SHISA6: variants seen among roughly 807,000 people sequenced by gnomAD.
The protein encoded by SHISA6 is shisa family member 6, also known as protein shisa-6.
In SHISA6, 22 loss-of-function variants were observed where a neutral mutation model predicts 47.9. That is an observed-to-expected ratio of 0.46 (90% confidence interval 0.33 to 0.66). SHISA6 has a LOEUF of 0.66. Ranked by LOEUF, SHISA6 falls within the 30% of genes least tolerant of loss-of-function variation. The pLI is 0.02. For missense variants in SHISA6, 680 were observed against 764.6 expected (o/e 0.89, Z 1.30); for synonymous variants, 388 against 337.8 (o/e 1.15, Z -1.63).
intron 1 of SHISA6, among the ~76,000 whole-genome samples, chr17:11,259,079 A>G (rs898240783): frequency 4.6e-5 from 7 of 151,586 alleles, no homozygotes; most frequent in Non-Finnish European, 5.9e-5. Context: ...TGAGGGGATG[A>G]ATTGGGGGAG....
At chr17:11,445,094 T>C (rs1915194353) in intron 3 of SHISA6, among the ~76,000 whole-genome samples, 1 of 152,124 alleles carries the variant, frequency 6.6e-6, no homozygotes, top group African/African-American at 2.4e-5. Flanking sequence ...AAGCAAAATT[T>C]AGTGTAAATG....
chr17:11,445,867 G>A (rs533841911), intron 3 of SHISA6, among the ~76,000 whole-genome samples: 17 of 152,190 alleles, frequency 1.1e-4, no homozygotes, highest in East Asian at 5.8e-4. Context: ...TCCTTCTGTC[G>A]CCCAGGCTGG....
At chr17:11,393,020 A>G (rs1913440220) in intron 3 of SHISA6, among the ~76,000 whole-genome samples, 1 of 152,186 alleles carries the variant, frequency 6.6e-6, no homozygotes, top group Non-Finnish European at 1.5e-5. Context: ...CTCGCTCTTG[A>G]GCATTTGCCC....
chr17:11,542,846 G>A (rs2071845408), intron 3 of SHISA6, among the ~76,000 whole-genome samples: 1 of 152,082 alleles, frequency 6.6e-6, no homozygotes, highest in African/African-American at 2.4e-5. Context: ...GGTGCTTCTA[G>A]GACAGCATTT....
chr17:11,350,709 G>A (rs1159579808), intron 2 of SHISA6, among the ~76,000 whole-genome samples: 4 of 152,012 alleles, frequency 2.6e-5, no homozygotes, highest in Non-Finnish European at 4.4e-5. Flanking sequence ...AGTGATCAGA[G>A]CATTTTTTCT....
intron 3 of SHISA6, among the ~76,000 whole-genome samples, chr17:11,449,919 C>T (rs1915338555): frequency 6.6e-6 from 1 of 152,244 alleles, no homozygotes; most frequent in South Asian, 2.1e-4. Flanking sequence ...GAGTCTCGCT[C>T]TGTCGCCCAG....
At chr17:11,471,258 C>T (rs1390785248) in intron 3 of SHISA6, among the ~76,000 whole-genome samples, 1 of 151,346 alleles carries the variant, frequency 6.6e-6, no homozygotes, top group Admixed American at 6.6e-5. Context: ...GCTAGAACCC[C>T]AGAGAAGGCA....
intron 3 of SHISA6, among the ~76,000 whole-genome samples, chr17:11,531,778 G>A (rs2071735426): frequency 6.6e-6 from 1 of 152,268 alleles, no homozygotes; most frequent in Admixed American, 6.5e-5. Context: ...GCACAGAATC[G>A]TGACTATAAT....
At chr17:11,326,219 C>G (rs989531869) in intron 2 of SHISA6, among the ~76,000 whole-genome samples, 2 of 150,030 alleles carry the variant, frequency 1.3e-5, no homozygotes, top group Non-Finnish European at 3.0e-5. Context: ...TGCAGTGAGC[C>G]GAGATCGTAC....
At chr17:11,297,969 C>T (rs556473338) in intron 2 of SHISA6, among the ~76,000 whole-genome samples, 9 of 152,244 alleles carry the variant, frequency 5.9e-5, no homozygotes, top group African/African-American at 2.2e-4. Context: ...CTGAATGATA[C>T]TTGAGGTGAG....
chr17:11,258,283 T>C (rs1908092515), intron 1 of SHISA6, among the ~76,000 whole-genome samples: 1 of 152,218 alleles, frequency 6.6e-6, no homozygotes, highest in Non-Finnish European at 1.5e-5. Context: ...GAGCTTGTTT[T>C]CTCCTTTCCA....
intron 2 of SHISA6, among the ~76,000 whole-genome samples, chr17:11,317,262 G>A (rs1037936552): frequency 3.3e-5 from 5 of 151,512 alleles, no homozygotes; most frequent in Admixed American, 6.6e-5. Context: ...TGCTTTAAAT[G>A]TTTCTCTATT....
intron 3 of SHISA6, among the ~76,000 whole-genome samples, chr17:11,381,475 C>G (rs1913005445): frequency 6.6e-6 from 1 of 152,186 alleles, no homozygotes; most frequent in South Asian, 2.1e-4. Flanking sequence ...AAGCAGGCAG[C>G]AGGGAGTGCA....
At chr17:11,364,452 G>A (rs949266382) in intron 2 of SHISA6, among the ~76,000 whole-genome samples, 10 of 152,126 alleles carry the variant, frequency 6.6e-5, no homozygotes, top group East Asian at 1.9e-4. Context: ...TTCACTTAAC[G>A]TTATATTAGT....
intron 3 of SHISA6, among the ~76,000 whole-genome samples, chr17:11,512,729 CCAAA>C (rs1204368437): frequency 2.0e-5 from 3 of 152,004 alleles, no homozygotes; most frequent in African/African-American, 7.2e-5. Flanking sequence ...TTATGTACAT[CCAAA>C]CAATTAATAT....
intron 3 of SHISA6, among the ~76,000 whole-genome samples, chr17:11,392,746 G>A (rs1409537792): frequency 2.0e-5 from 3 of 152,242 alleles, no homozygotes; most frequent in South Asian, 2.1e-4. Flanking sequence ...AGATTGGGGT[G>A]TAGCAGATTA....
At chr17:11,372,510 A>G (rs1486995417) in intron 2 of SHISA6, among the ~76,000 whole-genome samples, 1 of 152,112 alleles carries the variant, frequency 6.6e-6, no homozygotes, top group Non-Finnish European at 1.5e-5. Context: ...AATATCCATT[A>G]GCCTTTTAAA....
intron 2 of SHISA6, among the ~76,000 whole-genome samples, chr17:11,264,310 C>T (rs1908347757): frequency 1.3e-5 from 2 of 152,274 alleles, no homozygotes; most frequent in South Asian, 4.1e-4. Flanking sequence ...CTTAGAAGTA[C>T]TTATATTATC....
At chr17:11,265,041 C>CCTTAAACAAGCTTAAAACAAG (rs759428147) in intron 2 of SHISA6, among the ~76,000 whole-genome samples, 4 of 152,146 alleles carry the variant, frequency 2.6e-5, no homozygotes, top group Non-Finnish European at 5.9e-5. Context: ...TACCATAGGT[C>CCTTAAACAAGCTTAAAACAAG]CTTAAAACAA....
Sources: gnomAD v4.1 joint callset for allele counts (sites outside exome capture counted in the v4.1 genomes callset) on GRCh38, gnomAD v4.1.1 for gene constraint, MANE v1.5 for transcripts, NCBI Gene and HGNC (gene_info 2026-07-23, HGNC 2026-07-21) for gene names.